The following FCAR variants were observed in gnomAD, a reference collection of about 807,000 sequenced individuals.
FCAR encodes Fc alpha receptor, also known as immunoglobulin alpha Fc receptor.
In FCAR, 21 loss-of-function variants were observed where a neutral mutation model predicts 27.1. The ratio of observed to expected loss-of-function variants is 0.77; its 90% CI spans 0.55 to 1.11. FCAR has a LOEUF of 1.11. Ranked by LOEUF, FCAR falls within the 50% of genes most tolerant of loss-of-function variation. The pLI is 0.00. For synonymous variants in FCAR, 134 were observed against 135.8 expected (o/e 0.99, Z 0.09); for missense variants, 404 against 358.4 (o/e 1.13, Z -1.03).
intron 2 of FCAR, among the ~76,000 whole-genome samples, chr19:54,875,964 G>A (rs970200723): frequency 1.3e-5 from 2 of 152,188 alleles, no homozygotes; most frequent in Non-Finnish European, 2.9e-5. Context: ...CTATCCATGA[G>A]CATGGAATGT....
At chr19:54,877,763 G>T (rs2066176202) in intron 2 of FCAR, among the ~76,000 whole-genome samples, 1 of 152,116 alleles carries the variant, frequency 6.6e-6, no homozygotes, top group Non-Finnish European at 1.5e-5. Context: ...CACTGCCTTA[G>T]CTGTGTCCCA....
intron 2 of FCAR, among the ~76,000 whole-genome samples, chr19:54,879,721 G>C (rs2066303664): frequency 6.7e-6 from 1 of 148,848 alleles, no homozygotes; most frequent in Non-Finnish European, 1.5e-5. Context: ...TGTTGCCCAG[G>C]CTGCCAGGCT....
At position 54,874,438 on chromosome 19, in the gene FCAR, TCTC is replaced by T. The variant is rs991283645; in HGVS notation, c.34+118_34+120del. Reference sequence around the variant, plus strand: ...TTAGTGGCTGCCAAGGAGATTCTGATCTCCTTAGTGGAAAGGCCGTCTTTGTCA... The same window carrying T: ...TTAGTGGCTGCCAAGGAGATTCTGATCTTAGTGGAAAGGCCGTCTTTGTCA... On this transcript the variant is annotated intron_variant, in intron 1 of 4. Coordinates refer to ENST00000355524, the MANE Select transcript of FCAR (RefSeq NM_002000.4). The T allele has an allele frequency of 2.9e-6, 3 of 1,034,364 alleles. No homozygotes were observed. In the African/African-American group the frequency reaches 4.7e-5, roughly 16 times the overall value. The allele number at this position is 1,034,364 out of a possible 1,614,324, so 64.1% of individuals were successfully genotyped here.
chr19:54,876,554 T>G (rs962721949), intron 2 of FCAR, among the ~76,000 whole-genome samples: 18 of 152,186 alleles, frequency 1.2e-4, no homozygotes, highest in African/African-American at 3.9e-4. Context: ...TTGAATTTTA[T>G]CAAAAGCTCT....
chr19:54,876,791 G>A (rs2066120177), intron 2 of FCAR, among the ~76,000 whole-genome samples: 2 of 152,074 alleles, frequency 1.3e-5, no homozygotes, highest in African/African-American at 4.8e-5. Context: ...CGTGGTGGTG[G>A]GCACCTGTAG....
At chr19:54,885,614 CA>C (rs895991009) in intron 3 of FCAR, 89 bp downstream of exon 3, 473 of 1,028,912 alleles carry the variant, frequency 4.6e-4, no homozygotes, top group Middle Eastern at 5.8e-4. Context: ...GATTTACAAA[CA>C]AAAAAAAATT....
Position 54,889,822 on chromosome 19 carries a change from C to A in FCAR, c.823C>A (p.Pro275Thr). 1 of 1,609,240 alleles carries A rather than the reference C, an allele frequency of 6.2e-7. No homozygotes were observed. Among genetic ancestry groups the A allele is most frequent in the South Asian group, 1.1e-5 (1 of 91,068 alleles). Residue 275 changes from proline to threonine, a missense_variant, in exon 5 of 5, where the codon CCA becomes ACA. By Grantham distance (38) the Pro-to-Thr change is conservative. Transcript: ENST00000355524. ...EPSWSQQMCQ[P>T]GLTFARTPSV... The stretch of plus-strand genomic sequence containing the variant: ...GAGCTGGAGCCAACAGATGTGTCAG[C>A]CAGGATTGACCTTTGCACGAACACC...
intron 2 of FCAR, among the ~76,000 whole-genome samples, chr19:54,884,688 G>A (rs1444771375): frequency 1.3e-5 from 2 of 149,118 alleles, no homozygotes; most frequent in Non-Finnish European, 3.0e-5. Flanking sequence ...TAGATGGGGG[G>A]GAAGAAAGGG....
chr19:54,880,298 G>A (rs1486121739), intron 2 of FCAR, among the ~76,000 whole-genome samples: 1 of 152,082 alleles, frequency 6.6e-6, no homozygotes, highest in African/African-American at 2.4e-5. Context: ...AGTTCAGAGA[G>A]CCAGTATTCA....
chr19:54,877,287 G>A (rs1320924584), intron 2 of FCAR, among the ~76,000 whole-genome samples: 1 of 152,046 alleles, frequency 6.6e-6, no homozygotes, highest in African/African-American at 2.4e-5. Context: ...GCTCATTATT[G>A]GTCTGTTCAT....
intron 3 of FCAR, among the ~76,000 whole-genome samples, chr19:54,886,577 AT>A (rs35182606): frequency 6.6e-6 from 1 of 151,948 alleles, no homozygotes; most frequent in East Asian, 2.0e-4. Flanking sequence ...AAGTGCTGGG[AT>A]TACTGGCGTG....
chr19:54,885,573 T>C (rs1392415985), intron 3 of FCAR, 48 bp downstream of exon 3: 1 of 1,374,518 alleles, frequency 7.3e-7, no homozygotes, highest in Non-Finnish European at 1.0e-6. Flanking sequence ...TTTTTTCTTA[T>C]TTTTAATAGA....
At chr19:54,889,369 C>A (rs1199122022) in intron 4 of FCAR, among the ~76,000 whole-genome samples, 1 of 77,520 alleles carries the variant, frequency 1.3e-5, no homozygotes, top group Non-Finnish European at 2.3e-5. Context: ...GAGACTCCAT[C>A]TCAAAAAAAA....
At chr19:54,878,429 T>C (rs894328984) in intron 2 of FCAR, among the ~76,000 whole-genome samples, 2 of 152,186 alleles carry the variant, frequency 1.3e-5, no homozygotes, top group African/African-American at 4.8e-5. Context: ...TCTCCCCCTA[T>C]TATTGTGTGG....
At chr19:54,885,554 TG>T in intron 3 of FCAR, 29 bp downstream of exon 3, 1 of 1,519,144 alleles carries the variant, frequency 6.6e-7, no homozygotes, top group East Asian at 2.3e-5. Context: ...TCCACAGCCC[TG>T]GTGTGATTTT....
rs1201630458 is a variant in FCAR, at chr19:54,882,423, CT to C, written c.71-2800del. Reference sequence around the variant, plus strand: ...AGTTGCCAGAGTTCTTGTGTTGATTCTTTTTTTTTTTTCTTTTTTTTTTCTT... The same window carrying C: ...AGTTGCCAGAGTTCTTGTGTTGATTCTTTTTTTTTTTCTTTTTTTTTTCTT... On this transcript the variant is annotated intron_variant, in intron 2 of 4. Transcript: ENST00000355524. Among the ~76,000 whole-genome samples the C allele has an allele frequency of 1.7e-3, 116 of 69,456 alleles. 1 individual carries two copies. The highest frequency in any genetic ancestry group is 2.4e-3 in the Admixed American group (11 of 4,672). The allele number at this position is 69,456 out of a possible 152,430, so 45.6% of individuals were successfully genotyped here. A position where few individuals can be genotyped will look rare whatever the true frequency, so the allele number is the denominator to read the frequency against.
At position 54,888,204 on chromosome 19, in the gene FCAR, G is replaced by A. The variant is rs1189053026; in HGVS notation, c.559G>A (p.Val187Ile). ...CTCTTTGGGTCCTGTGGACCTCAAT[G>A]TCTCAGGGATCTACAGGTGCTACGG... is the stretch of plus-strand genomic sequence containing the variant. Reference protein sequence around the residue: ...NFSLGPVDLNVSGIYRCYGWY... With the variant: ...NFSLGPVDLNISGIYRCYGWY... The change falls in exon 4 of 5, where the codon GTC (valine) becomes ATC (isoleucine). Residue 187 changes from valine (V) to isoleucine (I), a missense_variant. By Grantham distance (29) the Val-to-Ile change is conservative. Transcript: ENST00000355524. 1.2e-6 allele frequency: 2 copies of A among 1,614,138 alleles called. No homozygotes were observed. The highest frequency in any genetic ancestry group is 1.7e-6 in the Non-Finnish European group (2 of 1,179,966).
chr19:54,875,325 T>A lies in FCAR; in HGVS notation c.35-5T>A. ...CTTGATTTTTCATAAATCTCTCTCT[T>A]CCAGTGCTCTGTCTGGGCCAGAGGA... On this transcript the variant is annotated splice_region_variant and splice_polypyrimidine_tract_variant and intron_variant, in intron 1 of 4. Coordinates refer to ENST00000355524, the MANE Select transcript of FCAR (RefSeq NM_002000.4). 6.2e-7 allele frequency: 1 copy of A among 1,613,434 alleles called. No homozygotes were observed.
intron 1 of FCAR, 123 bp from the exon 2 acceptor site, chr19:54,875,207 C>T (rs943603714): frequency 1.8e-5 from 13 of 708,344 alleles, no homozygotes; most frequent in Non-Finnish European, 3.2e-5. Context: ...CTTTATATAT[C>T]TGGTGGGATT....
Sources: allele counts gnomAD v4.1 joint callset (sites outside exome capture counted in the v4.1 genomes callset), GRCh38; gene constraint gnomAD v4.1.1; transcripts MANE v1.5; gene names NCBI Gene and HGNC (gene_info 2026-07-23, HGNC 2026-07-21).